GSTA2: variants seen among roughly 807,000 people sequenced by gnomAD.
The protein encoded by GSTA2 is glutathione S-transferase A2.
A neutral mutation model predicts 22.4 loss-of-function variants in GSTA2; 27 were observed. The observed-to-expected ratio is 1.21, with a 90% CI of 0.89 to 1.67. The LOEUF is 1.67. Ranked by LOEUF, GSTA2 falls within the 40% of genes most tolerant of loss-of-function variation. The pLI, the probability that GSTA2 is intolerant of heterozygous loss-of-function variation, is 0.00. For synonymous variants in GSTA2, 121 were observed against 86.8 expected, an observed-to-expected ratio of 1.39 and a Z score of -2.19; for missense variants, 302 against 260.2, an observed-to-expected ratio of 1.16 and a Z score of -1.11.
At chr6:52,754,789 C>T (rs1471115841) in intron 4 of GSTA2, among the ~76,000 whole-genome samples, 154 bp downstream of exon 4, 1 of 152,170 alleles carries the variant, frequency 6.6e-6, no homozygotes, top group Admixed American at 6.5e-5. Context: ...GTTCCCTCAT[C>T]TCCATGGGAC....
intron 1 of GSTA2, among the ~76,000 whole-genome samples, chr6:52,762,952 G>A (rs1762976447): frequency 6.6e-6 from 1 of 152,192 alleles, no homozygotes; most frequent in Non-Finnish European, 1.5e-5. Flanking sequence ...TTGTCGTCGA[G>A]CTAATTAGTG....
At chr6:52,760,045 A>C (rs1451661377) in intron 1 of GSTA2, among the ~76,000 whole-genome samples, 1 of 152,232 alleles carries the variant, frequency 6.6e-6, no homozygotes. Flanking sequence ...GTAATTAGAT[A>C]TTTTGACATT....
chr6:52,762,439 A>T (rs1762967613), intron 1 of GSTA2, among the ~76,000 whole-genome samples: 1 of 152,162 alleles, frequency 6.6e-6, no homozygotes. Flanking sequence ...TGGCGGCAAT[A>T]CTGCTCTTTA....
chr6:52,751,477 G>A (rs1436926775), intron 6 of GSTA2, 100 bp downstream of exon 6: 1 of 1,598,328 alleles, frequency 6.3e-7, no homozygotes, highest in East Asian at 2.2e-5. Context: ...AAGGCCTGGA[G>A]AAGGCTGGGG....
intron 1 of GSTA2, among the ~76,000 whole-genome samples, chr6:52,762,355 G>C (rs1240629344): frequency 6.6e-6 from 1 of 152,170 alleles, no homozygotes; most frequent in Non-Finnish European, 1.5e-5. Context: ...GGAATGTCTT[G>C]GTGTAAAACC....
At chr6:52,750,722 T>G in intron 6 of GSTA2, 23 bp from the exon 7 acceptor site, 1 of 1,610,662 alleles carries the variant, frequency 6.2e-7, no homozygotes, top group Non-Finnish European at 8.5e-7. Flanking sequence ...AAGCACAGCC[T>G]CACTAAAACA....
At chr6:52,759,460 C>A (rs183853870) in intron 1 of GSTA2, among the ~76,000 whole-genome samples, 1 of 151,662 alleles carries the variant, frequency 6.6e-6, no homozygotes, top group Admixed American at 6.6e-5. Flanking sequence ...ATCACCAAAC[C>A]CCCAGCTCTG....
rs1430118857 is a variant in GSTA2 at position 52,757,908 on chromosome 6, C to G, written c.40G>C (p.Gly14Arg). 6.2e-7 allele frequency: 1 copy of G among 1,613,722 alleles called. No homozygotes were observed. Among genetic ancestry groups the G allele is most frequent in the South Asian group, 1.1e-5 (1 of 91,068 alleles). ...AGCCACCGGATGGACTCCATTCTGC[C>G]CCGTATATTGGAGTAGTGGAGCTTG... Reference protein sequence around the residue: ...KPKLHYSNIRGRMESIRWLLA... With the variant: ...KPKLHYSNIRRRMESIRWLLA... Residue 14 changes from glycine to arginine, a missense_variant, in exon 2 of 7, where the codon GGC (glycine) becomes CGC (arginine). Physicochemically the swap from Gly to Arg is moderately radical, Grantham distance 125. Coordinates refer to ENST00000493422, the MANE Select transcript of GSTA2 (RefSeq NM_000846.5).
chr6:52,750,400 G>A lies in GSTA2; in HGVS notation c.*177C>T. The A allele has an allele frequency of 1.8e-6, 1 of 561,606 alleles. No individual in the cohort carries two copies. Among genetic ancestry groups the A allele is most frequent in the Non-Finnish European group, 3.0e-6 (1 of 334,150 alleles). The allele number at this position is 561,606 out of a possible 1,614,324, so 34.8% of individuals were successfully genotyped here. ...CTGAATTCACATCAGATCCTAATGA[G>A]AAGAAATCAATTTTAACTAAGTGGG... On this transcript the variant is annotated 3_prime_UTR_variant, in exon 7 of 7. Coordinates refer to ENST00000493422, the MANE Select transcript of GSTA2 (RefSeq NM_000846.5).
intron 1 of GSTA2, among the ~76,000 whole-genome samples, chr6:52,762,266 G>A (rs892524050): frequency 6.6e-6 from 1 of 152,182 alleles, no homozygotes; most frequent in African/African-American, 2.4e-5. Context: ...CTGTGCTGAG[G>A]AGGATTAGTA....
chr6:52,752,987 A>T lies in GSTA2; in HGVS notation c.281T>A (p.Met94Lys), dbSNP rs1309551427. ...KDIKEKALID[M>K]YIEGIADLGE... The stretch of plus-strand genomic sequence containing the variant: ...CAAATCTGCTATACCTTCTATATAC[A>T]TATCAATCCTGAAAGACAAAAACAA... The change falls in exon 5 of 7, where the codon ATG becomes AAG. Residue 94 changes from methionine to lysine, a missense_variant. By Grantham distance (95) the Met-to-Lys change is moderately conservative. Transcript: ENST00000493422. The T allele has an allele frequency of 1.3e-6, 2 of 1,595,626 alleles. No individual in the cohort carries two copies. Among genetic ancestry groups the T allele is most frequent in the African/African-American group, 2.7e-5 (2 of 74,312 alleles).
intron 2 of GSTA2, among the ~76,000 whole-genome samples, chr6:52,756,828 T>A (rs1561895972): frequency 1.3e-5 from 2 of 152,244 alleles, no homozygotes. Flanking sequence ...CTTTCACACT[T>A]GCAACTGTAA....
At chr6:52,753,432 C>A (rs1044528736) in intron 4 of GSTA2, among the ~76,000 whole-genome samples, 2 of 152,166 alleles carry the variant, frequency 1.3e-5, no homozygotes, top group Non-Finnish European at 1.5e-5. Context: ...CTAAGAGAGT[C>A]CCTGGCACAG....
At chr6:52,755,358 C>A (rs1473609637) in intron 3 of GSTA2, among the ~76,000 whole-genome samples, 1 of 151,894 alleles carries the variant, frequency 6.6e-6, no homozygotes, top group African/African-American at 2.4e-5. Context: ...AGATTACAGG[C>A]ATGCACCACT....
In GSTA2 at chr6:52,751,646, G is replaced by A. The variant is rs140075572; in HGVS notation, c.477C>T (p.His159=). The change falls in exon 6 of 7, where the codon CAC becomes CAT. Residue 159 remains histidine (H), a synonymous_variant. Transcript: ENST00000493422. ...VGNKLSRADI[H]LVELLYYVEE... ...CCACGTAGTAGAGAAGTTCCACCAG[G>A]TGAATGTCAGCCCGGCTCAGCTTGT... The A allele has an allele frequency of 6.1e-5, 99 of 1,613,996 alleles. No individual in the cohort carries two copies. In the African/African-American group the frequency reaches 6.3e-4, roughly 10 times the overall value.
intron 1 of GSTA2, among the ~76,000 whole-genome samples, chr6:52,759,675 C>T (rs1016155437): frequency 3.1e-5 from 4 of 128,814 alleles, no homozygotes. Context: ...ACCTCAGCTT[C>T]CCAGGTTCAA....
Position 52,755,032 on chromosome 6 carries a change from A to G in GSTA2, c.183T>C (p.Asp61=), listed in dbSNP as rs2234950. 6,176 of 1,614,070 alleles carry G rather than the reference A, an allele frequency of 3.8e-3. 181 individuals carry two copies. In the African/African-American group the frequency reaches 0.066, roughly 17 times the overall value. Residue 61 remains aspartate (D), a synonymous_variant, in exon 4 of 7, where the codon GAT becomes GAC. Transcript: ENST00000493422. ...MFQQVPMVEI[D]GMKLVQTRAI... is the part of the protein sequence containing the mutation. ...CTCTGGTCTGCACCAGCTTCATCCCATCAATCTCAACCATTGGCACTTGCT... is the reference window on the plus strand; with the variant it reads ...CTCTGGTCTGCACCAGCTTCATCCCGTCAATCTCAACCATTGGCACTTGCT...
intron 2 of GSTA2, among the ~76,000 whole-genome samples, chr6:52,756,857 G>A (rs544272075): frequency 2.6e-5 from 4 of 152,362 alleles, no homozygotes; most frequent in East Asian, 3.9e-4. Context: ...TCTGAAGTAC[G>A]TGAGACACAA....
intron 3 of GSTA2, 38 bp downstream of exon 3, chr6:52,756,220 A>G (rs779813276): frequency 2.0e-6 from 3 of 1,479,706 alleles, no homozygotes; most frequent in Non-Finnish European, 2.8e-6. Context: ...ACCTTCTACT[A>G]GATACCCTCA....
Sources: allele counts gnomAD v4.1 joint callset (sites outside exome capture counted in the v4.1 genomes callset), GRCh38; gene constraint gnomAD v4.1.1; transcripts MANE v1.5; gene names NCBI Gene and HGNC (gene_info 2026-07-23, HGNC 2026-07-21).